The following PPP1R42 variants were observed in gnomAD, a reference collection of about 807,000 sequenced individuals.
PPP1R42 encodes the protein leucine rich repeat containing 67.
PPP1R42 carries 34 observed loss-of-function variants against 31.0 expected under a neutral mutation model. The observed-to-expected ratio is 1.10, with a 90% CI of 0.83 to 1.46. The LOEUF is 1.46. Among genes scored for constraint, PPP1R42 ranks in the 40% most tolerant of loss-of-function variants. The pLI is 0.00. For missense variants in PPP1R42, 268 were observed against 303.0 expected, an observed-to-expected ratio of 0.88 and a Z score of 0.86; for synonymous variants, 103 against 109.8, an observed-to-expected ratio of 0.94 and a Z score of 0.39.
chr8:67,011,289 G>T (rs1011565472), intron 4 of PPP1R42, among the ~76,000 whole-genome samples: 3 of 152,196 alleles, frequency 2.0e-5, no homozygotes, highest in Non-Finnish European at 2.9e-5. Context: ...CACTTTAGGA[G>T]GTGAAGCGGG....
chr8:67,009,040 G>A (rs1199584066), intron 5 of PPP1R42, among the ~76,000 whole-genome samples: 2 of 152,164 alleles, frequency 1.3e-5, no homozygotes, highest in Non-Finnish European at 2.9e-5. Context: ...GGAGGCTGAG[G>A]CGGGCAGATC....
chr8:66,967,617 A>C (rs1237493570), intron 7 of PPP1R42, among the ~76,000 whole-genome samples: 2 of 149,196 alleles, frequency 1.3e-5, no homozygotes, highest in Non-Finnish European at 2.9e-5. Flanking sequence ...ATTCGAGTTC[A>C]CTTTTTAATT....
At chr8:67,021,024 T>C (rs1158872658) in intron 1 of PPP1R42, among the ~76,000 whole-genome samples, 1 of 152,240 alleles carries the variant, frequency 6.6e-6, no homozygotes, top group East Asian at 1.9e-4. Flanking sequence ...GCCCAGGAAG[T>C]ATAGCTATTT....
At chr8:67,007,996 C>T (rs1022909707) in intron 5 of PPP1R42, among the ~76,000 whole-genome samples, 2 of 150,412 alleles carry the variant, frequency 1.3e-5, no homozygotes, top group African/African-American at 4.9e-5. Flanking sequence ...AAGTGATTCT[C>T]CTGCCCCAGC....
At chr8:67,013,449 G>A (rs1460356061) in intron 3 of PPP1R42, among the ~76,000 whole-genome samples, 1 of 151,816 alleles carries the variant, frequency 6.6e-6, no homozygotes, top group Non-Finnish European at 1.5e-5. Context: ...AGACACAGTG[G>A]TTCACACCTG....
At chr8:66,968,905 G>A (rs1814460384) in intron 7 of PPP1R42, among the ~76,000 whole-genome samples, 1 of 152,178 alleles carries the variant, frequency 6.6e-6, no homozygotes, top group South Asian at 2.1e-4. Context: ...TAAAATTGAA[G>A]ACTCAGGATT....
At chr8:66,968,427 C>T (rs1318931309) in intron 7 of PPP1R42, 1 of 978,234 alleles carries the variant, frequency 1.0e-6, no homozygotes, top group South Asian at 4.7e-5. Flanking sequence ...GAAGATGCAC[C>T]GTAAGCTTAT....
intron 5 of PPP1R42, among the ~76,000 whole-genome samples, chr8:66,997,755 T>C (rs1028081801): frequency 2.0e-5 from 3 of 152,020 alleles, no homozygotes; most frequent in Admixed American, 6.6e-5. Flanking sequence ...TCTTGCTATA[T>C]TGCCCAGGCT....
At chr8:66,967,168 CATT>C (rs901307846) in intron 7 of PPP1R42, among the ~76,000 whole-genome samples, 2 of 152,010 alleles carry the variant, frequency 1.3e-5, no homozygotes, top group Non-Finnish European at 2.9e-5. Flanking sequence ...GATGAGGTCT[CATT>C]GTGTTGCCTA....
At chr8:66,984,558 A>C in intron 6 of PPP1R42, 1 of 1,229,334 alleles carries the variant, frequency 8.1e-7, no homozygotes, top group Non-Finnish European at 1.2e-6. Flanking sequence ...TCAATCTTGA[A>C]CTTCTTGGCT....
chr8:66,965,704 T>G (rs1285387788), intron 7 of PPP1R42, among the ~76,000 whole-genome samples: 1 of 152,062 alleles, frequency 6.6e-6, no homozygotes, highest in Non-Finnish European at 1.5e-5. Flanking sequence ...GAGGATTGCT[T>G]AAGTATAAGA....
intron 7 of PPP1R42, among the ~76,000 whole-genome samples, chr8:66,973,498 G>A (rs1814592005): frequency 6.6e-6 from 1 of 151,996 alleles, no homozygotes; most frequent in South Asian, 2.1e-4. Context: ...TAGAGACAGG[G>A]TTTCGCCATA....
At chr8:66,974,100 T>C (rs1489391921) in intron 7 of PPP1R42, among the ~76,000 whole-genome samples, 1 of 151,704 alleles carries the variant, frequency 6.6e-6, no homozygotes, top group East Asian at 1.9e-4. Context: ...TGGATAAATA[T>C]CCATAAGTGG....
intron 6 of PPP1R42, among the ~76,000 whole-genome samples, chr8:66,986,922 G>C (rs1815035875): frequency 6.6e-6 from 1 of 152,120 alleles, no homozygotes; most frequent in Non-Finnish European, 1.5e-5. Flanking sequence ...CCAGCACTTT[G>C]GGAGGCCAAG....
At chr8:66,980,899 A>G (rs182609196) in intron 7 of PPP1R42, among the ~76,000 whole-genome samples, 1 of 151,704 alleles carries the variant, frequency 6.6e-6, no homozygotes, top group Non-Finnish European at 1.5e-5. Context: ...CTGGAGTGCA[A>G]TGGCGCAATC....
rs376757332 is a variant in PPP1R42 at position 67,016,882 on chromosome 8, T to G, written c.129+737A>C. On this transcript the variant is annotated intron_variant, in intron 2 of 7. Transcript: ENST00000685739. ...TCCCAACCTTCCCTCACTGTTAAAC[T>G]TTTGAAAAACGGTACTCACATACTT... Among the ~76,000 whole-genome samples, 3 of 152,296 alleles carry G rather than the reference T, an allele frequency of 2.0e-5. No homozygotes were observed. In the East Asian group the frequency reaches 5.8e-4, roughly 29 times the overall value.
At chr8:67,008,271 C>G (rs1056617816) in intron 5 of PPP1R42, among the ~76,000 whole-genome samples, 1 of 152,092 alleles carries the variant, frequency 6.6e-6, no homozygotes, top group Admixed American at 6.6e-5. Context: ...CGATACTACC[C>G]ATGGTTTCAG....
intron 1 of PPP1R42, among the ~76,000 whole-genome samples, chr8:67,019,875 G>A (rs368114130): frequency 6.0e-5 from 9 of 150,940 alleles, no homozygotes; most frequent in Middle Eastern, 3.4e-3. Flanking sequence ...GCGACAGAGC[G>A]AGACTCCACC....
intron 6 of PPP1R42, among the ~76,000 whole-genome samples, chr8:66,986,983 A>G (rs971262484): frequency 2.6e-5 from 4 of 152,060 alleles, no homozygotes; most frequent in Non-Finnish European, 5.9e-5. Flanking sequence ...GGCCAACATA[A>G]TGAAACCCCG....
Sources: gnomAD v4.1 joint callset for allele counts (sites outside exome capture counted in the v4.1 genomes callset) on GRCh38, gnomAD v4.1.1 for gene constraint, MANE v1.5 for transcripts, NCBI Gene and HGNC (gene_info 2026-07-23, HGNC 2026-07-21) for gene names.